The following KATNIP variants were observed in gnomAD, a reference collection of about 807,000 sequenced individuals.
KATNIP encodes katanin interacting protein.
In KATNIP, 126 loss-of-function variants were observed where a neutral mutation model predicts 174.0. That is an observed-to-expected ratio of 0.72 (90% CI 0.63 to 0.84). The LOEUF (loss-of-function observed/expected upper bound fraction) is 0.84. Ranked by LOEUF, KATNIP falls within the 40% of genes least tolerant of loss-of-function variation. The probability of loss-of-function intolerance (pLI) is 0.00; values close to 1 mark genes in which losing one functional copy is unlikely to be tolerated. For missense variants in KATNIP, 1,958 were observed against 2,109.7 expected, an observed-to-expected ratio of 0.93 and a Z score of 1.41; for synonymous variants, 810 against 835.7, an observed-to-expected ratio of 0.97 and a Z score of 0.53.
chr16:27,718,467 G>A (rs946857806), intron 13 of KATNIP: 1 of 152,270 alleles, frequency 6.6e-6, no homozygotes, highest in Non-Finnish European at 1.5e-5. Flanking sequence ...TGTGTGTGGA[G>A]AGAAAACATC....
chr16:27,741,431 C>T (rs2081104456), intron 15 of KATNIP, among the ~76,000 whole-genome samples: 1 of 151,838 alleles, frequency 6.6e-6, no homozygotes, highest in South Asian at 2.1e-4. Context: ...CAGCGAGACT[C>T]TGTCTCAAAG....
chr16:27,633,464 A>AT (rs1030608295), intron 5 of KATNIP, among the ~76,000 whole-genome samples: 186 of 144,724 alleles, frequency 1.3e-3, no homozygotes, highest in African/African-American at 4.1e-3. Context: ...TATATTTTTT[A>AT]TTTTTTTTTT....
intron 18 of KATNIP, 147 bp downstream of exon 18, chr16:27,754,398 C>G (rs1392795503): frequency 4.5e-6 from 3 of 668,548 alleles, no homozygotes; most frequent in Non-Finnish European, 7.8e-6. Context: ...CAAGTGGAGG[C>G]TGAAACCAGC....
intron 2 of KATNIP, among the ~76,000 whole-genome samples, chr16:27,609,694 C>CT (rs2075829971): frequency 7.0e-6 from 1 of 142,908 alleles, no homozygotes. Context: ...CCTGCCAAGT[C>CT]ATTTTTTTTT....
At position 27,637,673 on chromosome 16, in the gene KATNIP, C is replaced by T. The variant is rs543035098; in HGVS notation, c.408+6511C>T. Among the ~76,000 whole-genome samples, 3 of 152,010 alleles carry T rather than the reference C, an allele frequency of 2.0e-5. No individual in the cohort carries two copies. Among genetic ancestry groups the T allele is most frequent in the East Asian group, 1.9e-4 (1 of 5,166 alleles). On this transcript the variant is annotated intron_variant, in intron 5 of 27. Transcript: ENST00000261588. This position sits in a 1 kb window ranked among gnomAD's most constrained non-coding sequence, Gnocchi z 4.7. The stretch of plus-strand genomic sequence containing the variant: ...GGGCACAGGCTGAGAGGAGGCAGGG[C>T]GATCAGGACAGGGTGGCAGAAAGGG...
chr16:27,724,706 C>CT (rs2080377669), intron 14 of KATNIP, among the ~76,000 whole-genome samples: 1 of 152,198 alleles, frequency 6.6e-6, no homozygotes, highest in South Asian at 2.1e-4. Flanking sequence ...ACAAATGCAG[C>CT]TGCAGGTTGG....
At chr16:27,738,699 G>A (rs747615377) in intron 14 of KATNIP, among the ~76,000 whole-genome samples, 1 of 152,180 alleles carries the variant, frequency 6.6e-6, no homozygotes, top group Non-Finnish European at 1.5e-5. Context: ...GAAATCATCC[G>A]GAGAACTTGT....
At chr16:27,613,718 G>A (rs914373324) in intron 2 of KATNIP, among the ~76,000 whole-genome samples, 1 of 152,112 alleles carries the variant, frequency 6.6e-6, no homozygotes, top group Non-Finnish European at 1.5e-5. Flanking sequence ...TAAACTGCAC[G>A]ATTTATGTGT....
Position 27,701,622 on chromosome 16 carries a change from G to A in KATNIP, c.1213G>A (p.Glu405Lys). The change falls in exon 11 of 28, where the codon GAG becomes AAG. Residue 405 changes from glutamate (E) to lysine (K), a missense_variant. Around this residue, in one of 3 missense-constraint regions of KATNIP, gnomAD observed 1,557 missense variants for 1,617.8 expected, o/e 0.96. Transcript: ENST00000261588. ...CATCACCACGGCGACTACTACTCAG[G>A]AGCCGGCCGGGGCAGCAGGAGGAGC... Reference protein sequence around the residue: ...LPITTATTTQEPAGAAGGARA... With the variant: ...LPITTATTTQKPAGAAGGARA... 2 of 1,605,258 alleles carry A rather than the reference G, an allele frequency of 1.2e-6. No homozygotes were observed. Among genetic ancestry groups the A allele is most frequent in the Non-Finnish European group, 1.7e-6 (2 of 1,176,436 alleles).
intron 6 of KATNIP, among the ~76,000 whole-genome samples, chr16:27,673,998 C>CG (rs139694100): frequency 0.022 from 3,422 of 152,230 alleles, 143 homozygotes; most frequent in African/African-American, 0.079. Context: ...CAGTAAATAT[C>CG]TGGGTATCTG....
chr16:27,747,158 T>C (rs1211596052), intron 15 of KATNIP, among the ~76,000 whole-genome samples: 2 of 152,090 alleles, frequency 1.3e-5, no homozygotes, highest in Non-Finnish European at 2.9e-5. Context: ...AGGGTAGGAC[T>C]GGGGTGATGG....
intron 14 of KATNIP, among the ~76,000 whole-genome samples, chr16:27,735,207 C>T (rs1479883795): frequency 6.6e-6 from 1 of 152,164 alleles, no homozygotes; most frequent in Non-Finnish European, 1.5e-5. Flanking sequence ...TCCTCTCTTA[C>T]AAGCCTGACC....
intron 12 of KATNIP, among the ~76,000 whole-genome samples, chr16:27,707,815 G>A (rs892742250): frequency 3.9e-5 from 6 of 152,188 alleles, no homozygotes; most frequent in Non-Finnish European, 8.8e-5. Context: ...CTTTTTCTGT[G>A]TGTGCATCCT....
rs551314190 is a variant in KATNIP at position 27,692,511 on chromosome 16, G to A, written c.941-5817G>A. 1.3e-4 allele frequency among the ~76,000 whole-genome samples: 20 copies of A among 152,176 alleles called. 1 individual carries two copies. The highest frequency in any genetic ancestry group is 2.4e-4 in the African/African-American group (10 of 41,552). On this transcript the variant is annotated intron_variant, in intron 8 of 27. Transcript: ENST00000261588. Reference sequence around the variant, plus strand: ...CTGAGCCCGCAACCTCTCCACCCTCGTTGCTAACCATCCTTCCCCTTGCCC... The same window carrying A: ...CTGAGCCCGCAACCTCTCCACCCTCATTGCTAACCATCCTTCCCCTTGCCC...
At chr16:27,615,537 G>A (rs1284418308) in intron 2 of KATNIP, among the ~76,000 whole-genome samples, 1 of 151,966 alleles carries the variant, frequency 6.6e-6, no homozygotes, top group Non-Finnish European at 1.5e-5. Context: ...TGTATTTTTA[G>A]TAGAGACGGG....
intron 7 of KATNIP, among the ~76,000 whole-genome samples, chr16:27,680,481 A>G (rs1429075136): frequency 1.3e-5 from 2 of 152,202 alleles, no homozygotes; most frequent in Non-Finnish European, 2.9e-5. Flanking sequence ...ACTGGGGCAT[A>G]AAGTGAGAAG....
Position 27,778,980 on chromosome 16 carries a change from C to T in KATNIP, c.*351C>T, listed in dbSNP as rs930947961. 4 of 232,644 alleles carry T rather than the reference C, an allele frequency of 1.7e-5. No homozygotes were observed. The highest frequency in any genetic ancestry group is 5.7e-5 in the Admixed American group (1 of 17,662). The allele number at this position is 232,644 out of a possible 1,614,324, so 14.4% of individuals were successfully genotyped here. On this transcript the variant is annotated 3_prime_UTR_variant, in exon 28 of 28. Transcript: ENST00000261588. The stretch of plus-strand genomic sequence containing the variant: ...GGACAATGACGGGGTGGGGAGGCAT[C>T]CCATCCAGCCTCAGAGGGCCCAGAG...
At chr16:27,631,254 A>C in intron 5 of KATNIP, 92 bp downstream of exon 5, 3 of 987,458 alleles carry the variant, frequency 3.0e-6, no homozygotes, top group East Asian at 2.6e-5. Flanking sequence ...TAAAACCCCC[A>C]TGGGCCAGGC....
chr16:27,600,417 G>A (rs368920225), intron 2 of KATNIP, among the ~76,000 whole-genome samples: 1 of 152,148 alleles, frequency 6.6e-6, no homozygotes, highest in Non-Finnish European at 1.5e-5. Flanking sequence ...AGCACCTGCC[G>A]TTAGCACAAA....
Sources: gnomAD v4.1 joint callset for allele counts (sites outside exome capture counted in the v4.1 genomes callset) on GRCh38, gnomAD v4.1.1 for gene constraint, gnomAD v4.1.1 regional missense constraint, Gnocchi (gnomAD v3.1) non-coding constraint, MANE v1.5 for transcripts, NCBI Gene and HGNC (gene_info 2026-07-23, HGNC 2026-07-21) for gene names.